Variants in NMRK1 observed in about 807,000 individuals in gnomAD.
The protein encoded by NMRK1 is NRK 1.
In NMRK1, 28 loss-of-function variants were observed where a neutral mutation model predicts 29.9. The observed-to-expected ratio is 0.94, with a 90% CI of 0.69 to 1.28. NMRK1 has a LOEUF of 1.28. Ranked by LOEUF, NMRK1 falls within the 50% of genes most tolerant of loss-of-function variation. The pLI is 0.00. For missense variants in NMRK1, 218 were observed against 233.1 expected (o/e 0.94, Z 0.42); for synonymous variants, 58 against 73.0 (o/e 0.79, Z 1.05).
Position 75,060,764 on chromosome 9 carries a change from A to T in NMRK1, c.*784T>A, listed in dbSNP as rs1460027377. 1 of 152,050 alleles carries T rather than the reference A, an allele frequency of 6.6e-6. No homozygotes were observed. The highest frequency in any genetic ancestry group is 1.5e-5 in the Non-Finnish European group (1 of 68,024). 9.4% of individuals were successfully genotyped at this position (152,050 alleles called of 1,614,324 possible). ...TGTGATTTTAGACCACTGGTTTGAC[A>T]AAAACAAAATGAACCACGAGGGGGG... On this transcript the variant is annotated 3_prime_UTR_variant, in exon 9 of 9. Coordinates refer to ENST00000361092, the MANE Select transcript of NMRK1 (RefSeq NM_017881.3).
At chr9:75,073,870 G>C (rs1004434873) in intron 4 of NMRK1, among the ~76,000 whole-genome samples, 5 of 152,100 alleles carry the variant, frequency 3.3e-5, no homozygotes, top group Non-Finnish European at 7.4e-5. Context: ...AAAATTTTAG[G>C]TTGTTTTATC....
intron 2 of NMRK1, among the ~76,000 whole-genome samples, chr9:75,079,528 G>A (rs929878144): frequency 6.6e-6 from 1 of 152,176 alleles, no homozygotes; most frequent in Admixed American, 6.5e-5. Context: ...CTTAGCTAAA[G>A]CTAATGAGAA....
intron 4 of NMRK1, among the ~76,000 whole-genome samples, chr9:75,072,187 T>C (rs10869493): frequency 0.11 from 16,789 of 152,240 alleles, 1,108 homozygotes; most frequent in Non-Finnish European, 0.15. Context: ...ATACTTCTCC[T>C]GTATATGTAG....
intron 7 of NMRK1, among the ~76,000 whole-genome samples, chr9:75,067,990 C>G (rs1823463444): frequency 6.6e-6 from 1 of 152,174 alleles, no homozygotes; most frequent in Non-Finnish European, 1.5e-5. Flanking sequence ...GCCCACAGAT[C>G]CGGATGCTTA....
At position 75,069,963 on chromosome 9, in the gene NMRK1, T is replaced by C. The variant is rs1823602888; in HGVS notation, c.249A>G (p.Ser83=). The C allele has an allele frequency of 6.2e-7, 1 of 1,613,958 alleles. No homozygotes were observed. The highest frequency in any genetic ancestry group is 1.1e-5 in the South Asian group (1 of 91,050). Residue 83 remains serine (S), a synonymous_variant, in exon 5 of 9, where the codon TCA becomes TCG. Transcript: ENST00000361092. The stretch of plus-strand genomic sequence containing the variant: ...TTTCCTCAGCACTTTCCTGGTCTGT[T>C]GATACCACAGAGTGTCTTGCGCTTT... ...WMESARHSVV[S]TDQESAEEIP...
intron 8 of NMRK1, among the ~76,000 whole-genome samples, chr9:75,063,312 A>G (rs1421725637): frequency 2.0e-5 from 3 of 150,944 alleles, no homozygotes; most frequent in Non-Finnish European, 1.5e-5. Flanking sequence ...TCTCAAAAAA[A>G]AAAAAAAAGA....
chr9:75,080,360 T>G (rs1824244837), intron 2 of NMRK1, among the ~76,000 whole-genome samples: 1 of 152,144 alleles, frequency 6.6e-6, no homozygotes, highest in African/African-American at 2.4e-5. Context: ...CATATTGAAA[T>G]GTGATCCCTG....
rs1271155223 is a variant in NMRK1 at position 75,070,045 on chromosome 9, T to C, written c.170-3A>G. 1.2e-6 allele frequency: 2 copies of C among 1,603,816 alleles called. No individual in the cohort carries two copies. The highest frequency in any genetic ancestry group is 1.7e-6 in the Non-Finnish European group (2 of 1,177,266). The stretch of plus-strand genomic sequence containing the variant: ...TTCCATGTTAAGTGCTTCAAGCACT[T>C]CAAACAAACACACAAAAATATGCAA... On this transcript the variant is annotated splice_region_variant and splice_polypyrimidine_tract_variant and intron_variant, in intron 4 of 8. Transcript: ENST00000361092.
intron 2 of NMRK1, among the ~76,000 whole-genome samples, chr9:75,082,027 T>C (rs1824352662): frequency 6.6e-6 from 1 of 152,232 alleles, no homozygotes. Flanking sequence ...CTGAGGCTAA[T>C]ACATTTCCTT....
chr9:75,077,317 A>T (rs1824052705), intron 3 of NMRK1, 110 bp from the exon 4 acceptor site: 2 of 891,618 alleles, frequency 2.2e-6, no homozygotes, highest in Non-Finnish European at 3.6e-6. Context: ...GATCAAAGAA[A>T]GATCAGCACT....
At chr9:75,076,707 A>T (rs1227321391) in intron 4 of NMRK1, among the ~76,000 whole-genome samples, 1 of 152,154 alleles carries the variant, frequency 6.6e-6, no homozygotes, top group Admixed American at 6.5e-5. Context: ...CTCCCACCTT[A>T]GCCTCCAAAG....
At chr9:75,074,024 G>A (rs921373820) in intron 4 of NMRK1, among the ~76,000 whole-genome samples, 1 of 151,718 alleles carries the variant, frequency 6.6e-6, no homozygotes, top group Non-Finnish European at 1.5e-5. Flanking sequence ...AGCCTTTTAC[G>A]GCCTATATTT....
At chr9:75,085,353 G>A (rs1824556224) in intron 1 of NMRK1, among the ~76,000 whole-genome samples, 1 of 152,198 alleles carries the variant, frequency 6.6e-6, no homozygotes, top group Admixed American at 6.5e-5. Context: ...AACCAATTGA[G>A]CTGACTTCTT....
At position 75,087,120 on chromosome 9, in the gene NMRK1, T is replaced by C. The variant is rs543625575; in HGVS notation, c.-36+888A>G. Among the ~76,000 whole-genome samples the C allele has an allele frequency of 2.0e-3, 309 of 152,216 alleles. 1 individual carries two copies. Among genetic ancestry groups the C allele is most frequent in the African/African-American group, 7.2e-3 (300 of 41,520 alleles). ...TCGGGTTTCACCAGGTTGGCCAAGATGGTCTTGATCTCTTGACCTCGTGAT... is the reference window on the plus strand; with the variant it reads ...TCGGGTTTCACCAGGTTGGCCAAGACGGTCTTGATCTCTTGACCTCGTGAT... On this transcript the variant is annotated intron_variant, in intron 1 of 8. Coordinates refer to ENST00000361092, the MANE Select transcript of NMRK1 (RefSeq NM_017881.3).
intron 4 of NMRK1, 71 bp from the exon 5 acceptor site, chr9:75,070,113 G>A (rs1441078554): frequency 8.3e-7 from 1 of 1,211,546 alleles, no homozygotes; most frequent in Non-Finnish European, 1.2e-6. Context: ...TTTGTGATGA[G>A]TATATCCAGG....
chr9:75,083,295 G>A (rs983544560), intron 1 of NMRK1, 145 bp from the exon 2 acceptor site: 22 of 617,688 alleles, frequency 3.6e-5, no homozygotes, highest in African/African-American at 2.9e-4. Flanking sequence ...CCACATTCCC[G>A]CCGCACTGGC....
chr9:75,070,075 T>G (rs781537480), intron 4 of NMRK1, 33 bp from the exon 5 acceptor site: 2 of 1,584,108 alleles, frequency 1.3e-6, no homozygotes, highest in South Asian at 2.3e-5. Flanking sequence ...ATGCAATCAA[T>G]ATAGCACAAA....
chr9:75,082,810 C>T (rs1000070977), intron 2 of NMRK1: 1 of 450,428 alleles, frequency 2.2e-6, no homozygotes, highest in Non-Finnish European at 3.9e-6. Context: ...GAAAGCAGTG[C>T]CCAATCAGAC....
chr9:75,063,100 T>A (rs1049679623), intron 8 of NMRK1, among the ~76,000 whole-genome samples: 1 of 151,306 alleles, frequency 6.6e-6, no homozygotes, highest in Non-Finnish European at 1.5e-5. Context: ...GTCAGGAGAT[T>A]GAGATCACCC....
Sources: allele counts gnomAD v4.1 joint callset (sites outside exome capture counted in the v4.1 genomes callset), GRCh38; gene constraint gnomAD v4.1.1; transcripts MANE v1.5; gene names NCBI Gene and HGNC (gene_info 2026-07-23, HGNC 2026-07-21).